Variants in HMBOX1 observed in about 807,000 individuals in gnomAD.
HMBOX1 encodes homeobox containing 1, also known as homeobox-containing protein 1.
In HMBOX1, 14 loss-of-function variants were observed where a neutral mutation model predicts 54.5. The observed-to-expected ratio is 0.26, with a 90% CI of 0.17 to 0.40. The LOEUF is 0.40. Ranked by LOEUF, HMBOX1 falls within the 10% of genes least tolerant of loss-of-function variation. The pLI, the probability that HMBOX1 is intolerant of heterozygous loss-of-function variation, is 1.00. For synonymous variants in HMBOX1, 160 were observed against 181.0 expected, an observed-to-expected ratio of 0.88 and a Z score of 0.93; for missense variants, 332 against 514.4, an observed-to-expected ratio of 0.65 and a Z score of 3.43.
At chr8:29,009,993 A>G (rs908912568) in intron 5 of HMBOX1, 3 of 984,560 alleles carry the variant, frequency 3.0e-6, no homozygotes, top group South Asian at 9.4e-5. Flanking sequence ...GAAATATTGC[A>G]TAATAATAGC....
At chr8:29,005,238 T>A (rs769093750) in intron 4 of HMBOX1, among the ~76,000 whole-genome samples, 2 of 152,196 alleles carry the variant, frequency 1.3e-5, no homozygotes, top group Non-Finnish European at 2.9e-5. Flanking sequence ...AAGACAGAAA[T>A]TCTTTGCAAC....
rs1344444325 is a variant in HMBOX1 at position 28,973,814 on chromosome 8, T to TTG, written c.500+3296_500+3297insGT. On this transcript the variant is annotated intron_variant, in intron 3 of 9. Transcript: ENST00000287701. Reference sequence around the variant, plus strand: ...AGATACATAATGGAGTTTTTTTTTTTTTTTTTTTTTTTTTTTTTTTGAGAC... The same window carrying TTG: ...AGATACATAATGGAGTTTTTTTTTTTTGTTTTTTTTTTTTTTTTTTTTGAGAC... Among the ~76,000 whole-genome samples the TTG allele has an allele frequency of 1.3e-3, 26 of 20,446 alleles. 1 individual carries two copies. Among genetic ancestry groups the TTG allele is most frequent in the Non-Finnish European group, 3.1e-3 (21 of 6,820 alleles). The allele number at this position is 20,446 out of a possible 152,430, so 13.4% of individuals were successfully genotyped here.
chr8:28,970,824 C>T lies in HMBOX1; in HGVS notation c.500+305C>T, dbSNP rs1490189860. Among the ~76,000 whole-genome samples the T allele has an allele frequency of 1.3e-5, 2 of 152,048 alleles. No individual in the cohort carries two copies. The highest frequency in any genetic ancestry group is 2.9e-5 in the Non-Finnish European group (2 of 68,038). ...TAATAGCTAATTTCTGACTAACAGA[C>T]ACATTCTAATCCTTAAAAATCTGTT... On this transcript the variant is annotated intron_variant, in intron 3 of 9. Coordinates refer to ENST00000287701, the MANE Select transcript of HMBOX1 (RefSeq NM_001135726.3). This position sits in a 1 kb window ranked among gnomAD's most constrained non-coding sequence, Gnocchi z 4.3.
intron 1 of HMBOX1, among the ~76,000 whole-genome samples, chr8:28,916,177 A>G (rs1232299699): frequency 6.6e-6 from 1 of 152,196 alleles, no homozygotes; most frequent in Non-Finnish European, 1.5e-5. Context: ...AAGAAAGAAG[A>G]CAGCATATTT....
intron 1 of HMBOX1, among the ~76,000 whole-genome samples, chr8:28,906,256 C>T (rs1410934311): frequency 6.6e-6 from 1 of 152,184 alleles, no homozygotes; most frequent in African/African-American, 2.4e-5. Context: ...GCCCTTCTTT[C>T]CTGCACTTTC....
chr8:28,912,572 T>C (rs1815659968), intron 1 of HMBOX1, among the ~76,000 whole-genome samples: 1 of 152,224 alleles, frequency 6.6e-6, no homozygotes, highest in Non-Finnish European at 1.5e-5. Flanking sequence ...ATTTCAGTTT[T>C]CTGGTTTGAT....
intron 1 of HMBOX1, among the ~76,000 whole-genome samples, chr8:28,938,545 C>G (rs997952750): frequency 6.6e-6 from 1 of 152,110 alleles, no homozygotes; most frequent in East Asian, 1.9e-4. Flanking sequence ...CTCCTGGGCT[C>G]AGGTCATCCT....
chr8:29,050,875 T>C (rs1586707305), intron 9 of HMBOX1, 143 bp from the exon 10 acceptor site: 1 of 676,694 alleles, frequency 1.5e-6, no homozygotes, highest in Non-Finnish European at 2.5e-6. Flanking sequence ...TCTACTTAAA[T>C]ACAATTTACC....
chr8:28,926,304 T>TATATATACACACACACACAC, intron 1 of HMBOX1, among the ~76,000 whole-genome samples: 1 of 142,216 alleles, frequency 7.0e-6, no homozygotes, highest in African/African-American at 2.6e-5. Context: ...TATATATATA[T>TATATATACACACACACACAC]ACACACACAC....
rs1814051227 is a variant in HMBOX1, at chr8:28,905,208, AGC to A, written c.-58+14531_-58+14532del. The stretch of plus-strand genomic sequence containing the variant: ...GAGGCTGAGCAAGAGCTTCCACATG[AGC>A]AGTAGGAACTGAAGGGTTTTTTGTT... On this transcript the variant is annotated intron_variant, in intron 1 of 9. Coordinates refer to ENST00000287701, the MANE Select transcript of HMBOX1 (RefSeq NM_001135726.3). Among the ~76,000 whole-genome samples the A allele has an allele frequency of 2.6e-5, 4 of 152,362 alleles. No individual in the cohort carries two copies. In the South Asian group the frequency reaches 8.3e-4, roughly 32 times the overall value.
Position 29,049,256 on chromosome 8 carries a change from T to C in HMBOX1, c.1125+208T>C, listed in dbSNP as rs182712381. On this transcript the variant is annotated intron_variant, in intron 9 of 9. Coordinates refer to ENST00000287701, the MANE Select transcript of HMBOX1 (RefSeq NM_001135726.3). ...TCCTGTTGAATTTGTGAGAGATCGT[T>C]ATTCACCCACATGGATTTATTGTCA... 8.5e-6 allele frequency: 13 copies of C among 1,525,872 alleles called. No individual in the cohort carries two copies. In the African/African-American group the frequency reaches 1.6e-4, roughly 19 times the overall value. 94.5% of individuals were successfully genotyped at this position (1,525,872 alleles called of 1,614,324 possible). A position where few individuals can be genotyped will look rare whatever the true frequency, so the allele number is the denominator to read the frequency against.
chr8:28,948,449 T>A (rs1011019966), intron 1 of HMBOX1, among the ~76,000 whole-genome samples: 3 of 152,212 alleles, frequency 2.0e-5, no homozygotes, highest in Non-Finnish European at 4.4e-5. Context: ...ACAGGTTTTT[T>A]AAAGATGATA....
intron 8 of HMBOX1, 30 bp downstream of exon 8, chr8:29,047,483 T>C: frequency 8.8e-7 from 1 of 1,140,510 alleles, no homozygotes; most frequent in Non-Finnish European, 1.3e-6. Flanking sequence ...GCTTTTCTCT[T>C]GTGCAGCAGT....
At chr8:28,967,904 C>G (rs1282277229) in intron 2 of HMBOX1, among the ~76,000 whole-genome samples, 1 of 152,092 alleles carries the variant, frequency 6.6e-6, no homozygotes, top group Non-Finnish European at 1.5e-5. Flanking sequence ...GCACAAATGG[C>G]CTGCAACATG....
chr8:29,037,216 C>T (rs754784899), intron 6 of HMBOX1, among the ~76,000 whole-genome samples: 1 of 152,126 alleles, frequency 6.6e-6, no homozygotes, highest in African/African-American at 2.4e-5. Context: ...AAAATAAGCT[C>T]ATCTGTAAAA....
chr8:28,947,410 C>T (rs1438884428), intron 1 of HMBOX1, among the ~76,000 whole-genome samples: 1 of 152,164 alleles, frequency 6.6e-6, no homozygotes, highest in Non-Finnish European at 1.5e-5. Context: ...GAAAGTAAAA[C>T]ACTCCTCCAC....
intron 6 of HMBOX1, among the ~76,000 whole-genome samples, chr8:29,039,341 T>C (rs993958958): frequency 6.6e-6 from 1 of 152,192 alleles, no homozygotes; most frequent in Non-Finnish European, 1.5e-5. Flanking sequence ...CGTTGGCAGC[T>C]CATTTTGGTT....
chr8:29,048,022 C>T (rs969357892), intron 8 of HMBOX1, among the ~76,000 whole-genome samples: 3 of 152,162 alleles, frequency 2.0e-5, no homozygotes, highest in Non-Finnish European at 4.4e-5. Context: ...TAGAATTAGA[C>T]ATGGCCCCTG....
chr8:28,970,693 T>A lies in HMBOX1; in HGVS notation c.500+174T>A. 1 of 512,900 alleles carries A rather than the reference T, an allele frequency of 1.9e-6. No homozygotes were observed. The highest frequency in any genetic ancestry group is 3.4e-6 in the Non-Finnish European group (1 of 293,908). The allele number at this position is 512,900 out of a possible 1,614,324, so 31.8% of individuals were successfully genotyped here. On this transcript the variant is annotated intron_variant, in intron 3 of 9. Coordinates refer to ENST00000287701, the MANE Select transcript of HMBOX1 (RefSeq NM_001135726.3). This position sits in a 1 kb window ranked among gnomAD's most constrained non-coding sequence, Gnocchi z 4.3. ...GATGAAAGAAAGAAAGTTCAAGCTT[T>A]ATGTTTTTAATTTAAATTTTCTCTT...
Sources: gnomAD v4.1 joint callset for allele counts (sites outside exome capture counted in the v4.1 genomes callset) on GRCh38, gnomAD v4.1.1 for gene constraint, Gnocchi (gnomAD v3.1) non-coding constraint, MANE v1.5 for transcripts, NCBI Gene and HGNC (gene_info 2026-07-23, HGNC 2026-07-21) for gene names.